RUNX1: variants seen among roughly 807,000 people sequenced by gnomAD.
RUNX1 encodes RUNX family transcription factor 1.
In RUNX1, 19 loss-of-function variants were observed where a neutral mutation model predicts 42.8. The observed-to-expected ratio is 0.44, with a 90% CI of 0.31 to 0.65. The LOEUF (loss-of-function observed/expected upper bound fraction) is 0.65. Ranked by LOEUF, RUNX1 falls within the 30% of genes least tolerant of loss-of-function variation. The probability of loss-of-function intolerance (pLI) is 0.07; values close to 1 mark genes in which losing one functional copy is unlikely to be tolerated. For missense variants in RUNX1, 528 were observed against 672.0 expected (o/e 0.79, Z 2.37); for synonymous variants, 271 against 289.4 (o/e 0.94, Z 0.64).
chr21:34,828,741 G>A (rs1243586921), intron 7 of RUNX1, among the ~76,000 whole-genome samples: 1 of 152,118 alleles, frequency 6.6e-6, no homozygotes, highest in South Asian at 2.1e-4. Flanking sequence ...TTATCATGGA[G>A]GTGGCTTTGT....
rs1232734927 is a variant in RUNX1, at chr21:34,849,231, G to A, written c.613+10243C>T. ...GTGTTACTTTTTGAAAAGGCAAACA[G>A]AAAAGAACTTTGCTTTGGGTACATA... is the stretch of plus-strand genomic sequence containing the variant. On this transcript the variant is annotated intron_variant, in intron 6 of 8. Coordinates refer to ENST00000675419, the MANE Select transcript of RUNX1 (RefSeq NM_001754.5). Among the ~76,000 whole-genome samples, 3 of 91,530 alleles carry A rather than the reference G, an allele frequency of 3.3e-5. No homozygotes were observed. The Admixed American group carries it at 4.9e-4, about 15-fold the overall frequency. 60.0% of individuals were successfully genotyped at this position (91,530 alleles called of 152,430 possible). A position where few individuals can be genotyped will look rare whatever the true frequency, so the allele number is the denominator to read the frequency against.
intron 2 of RUNX1, among the ~76,000 whole-genome samples, chr21:34,957,833 T>C (rs559530679): frequency 1.3e-5 from 2 of 152,304 alleles, no homozygotes; most frequent in Admixed American, 6.5e-5. Flanking sequence ...TGATGTCATG[T>C]CCGGCTATCG....
chr21:34,841,439 C>A (rs533164213), intron 6 of RUNX1, among the ~76,000 whole-genome samples: 32 of 152,278 alleles, frequency 2.1e-4, no homozygotes, highest in African/African-American at 7.5e-4. Context: ...CTGGGTCCAC[C>A]TGTGTATGGG....
chr21:35,009,570 C>G (rs144883791), intron 2 of RUNX1, among the ~76,000 whole-genome samples: 4 of 152,308 alleles, frequency 2.6e-5, no homozygotes, highest in African/African-American at 9.6e-5. Context: ...GCATGCATCA[C>G]TGAAAAACGG....
chr21:35,047,553 A>ACTCTCTCT (rs1263740642), intron 2 of RUNX1, among the ~76,000 whole-genome samples: 5 of 90,004 alleles, frequency 5.6e-5, no homozygotes, highest in Non-Finnish European at 1.0e-4. Flanking sequence ...ACACACACAC[A>ACTCTCTCT]CACACACACT....
At chr21:34,856,440 CAA>C (rs1294261219) in intron 6 of RUNX1, 2 of 518,880 alleles carry the variant, frequency 3.9e-6, no homozygotes, top group Admixed American at 1.9e-5. Flanking sequence ...GAGGCCAGGT[CAA>C]AGAGTCTATA....
At chr21:34,812,110 A>C (rs2056766177) in intron 7 of RUNX1, among the ~76,000 whole-genome samples, 1 of 152,212 alleles carries the variant, frequency 6.6e-6, no homozygotes, top group Admixed American at 6.5e-5. Context: ...TTTGGTGACA[A>C]GTTCCTATGC....
At chr21:34,874,846 T>C (rs2057791626) in intron 5 of RUNX1, among the ~76,000 whole-genome samples, 1 of 152,136 alleles carries the variant, frequency 6.6e-6, no homozygotes, top group East Asian at 1.9e-4. Flanking sequence ...TTTATGTCTA[T>C]AATGCTTGTT....
At chr21:34,864,005 T>A (rs2057619299) in intron 5 of RUNX1, among the ~76,000 whole-genome samples, 1 of 152,204 alleles carries the variant, frequency 6.6e-6, no homozygotes, top group Non-Finnish European at 1.5e-5. Flanking sequence ...GTGACATTTT[T>A]CCACAGCACG....
chr21:34,931,351 C>T (rs35664064), intron 2 of RUNX1, among the ~76,000 whole-genome samples: 6,169 of 143,958 alleles, frequency 0.043, 421 homozygotes, highest in African/African-American at 0.15. Flanking sequence ...TATATATATA[C>T]ATGTGTATAT....
chr21:34,993,587 ACACACACACACAGG>A (rs1300618262), intron 2 of RUNX1, among the ~76,000 whole-genome samples: 4 of 146,470 alleles, frequency 2.7e-5, no homozygotes, highest in East Asian at 2.0e-4. Flanking sequence ...ACACACACAG[ACACACACACACAGG>A]CACACACAGG....
chr21:35,019,858 C>T (rs758697331), intron 2 of RUNX1, among the ~76,000 whole-genome samples: 19 of 152,122 alleles, frequency 1.2e-4, no homozygotes, highest in Non-Finnish European at 1.6e-4. Context: ...TCAGTGCACG[C>T]GGCTTCAACT....
intron 2 of RUNX1, among the ~76,000 whole-genome samples, chr21:35,029,852 C>T (rs751672513): frequency 6.6e-6 from 1 of 152,182 alleles, no homozygotes; most frequent in East Asian, 1.9e-4. Context: ...GGTAATAGTA[C>T]GAGGTTGGAT....
At chr21:34,939,023 A>G (rs1013795202) in intron 2 of RUNX1, among the ~76,000 whole-genome samples, 20 of 152,206 alleles carry the variant, frequency 1.3e-4, no homozygotes, top group Non-Finnish European at 2.5e-4. Context: ...TGTTCCCTTC[A>G]CAAAACTTTT....
chr21:35,023,875 A>G (rs895094726), intron 2 of RUNX1, among the ~76,000 whole-genome samples: 1 of 151,728 alleles, frequency 6.6e-6, no homozygotes, highest in African/African-American at 2.4e-5. Context: ...TAAAAATAAT[A>G]AACACATAAA....
At chr21:34,865,190 T>C (rs2057639320) in intron 5 of RUNX1, among the ~76,000 whole-genome samples, 1 of 151,894 alleles carries the variant, frequency 6.6e-6, no homozygotes, top group Non-Finnish European at 1.5e-5. Context: ...TAAAGGTGAT[T>C]CCACAAAGAC....
At chr21:35,022,618 G>T (rs2059206766) in intron 2 of RUNX1, among the ~76,000 whole-genome samples, 1 of 152,280 alleles carries the variant, frequency 6.6e-6, no homozygotes, top group African/African-American at 2.4e-5. Context: ...GCAGAGGCTG[G>T]GCGCTGTAGC....
chr21:34,916,652 T>C (rs1333716992), intron 2 of RUNX1, among the ~76,000 whole-genome samples: 2 of 151,062 alleles, frequency 1.3e-5, no homozygotes, highest in African/African-American at 4.9e-5. Flanking sequence ...CAGGCAAAAA[T>C]GGGAAAGGAA....
chr21:34,888,319 C>G lies in RUNX1; in HGVS notation c.98-1223G>C, dbSNP rs965894688. 9.4e-6 allele frequency: 10 copies of G among 1,067,484 alleles called. No individual in the cohort carries two copies. In the African/African-American group the frequency reaches 1.5e-4, roughly 16 times the overall value. The allele number at this position is 1,067,484 out of a possible 1,614,324, so 66.1% of individuals were successfully genotyped here. ...AACAGATCGGGCGGCTCGGGTTACA[C>G]ACGCACGCACATCCTGCCACGCACA... On this transcript the variant is annotated intron_variant, in intron 3 of 8. Coordinates refer to ENST00000675419, the MANE Select transcript of RUNX1 (RefSeq NM_001754.5).
Sources: allele counts gnomAD v4.1 joint callset (sites outside exome capture counted in the v4.1 genomes callset), GRCh38; gene constraint gnomAD v4.1.1; transcripts MANE v1.5; gene names NCBI Gene and HGNC (gene_info 2026-07-23, HGNC 2026-07-21).